The following CUEDC1 variants were observed in gnomAD, a reference collection of about 807,000 sequenced individuals.
The protein encoded by CUEDC1 is CUE domain containing 1.
Under a neutral mutation model 43.7 loss-of-function variants are expected in CUEDC1, and 30 were observed. The ratio of observed to expected loss-of-function variants is 0.69; its 90% confidence interval spans 0.51 to 0.93. CUEDC1 has a LOEUF of 0.93. Among genes scored for constraint, CUEDC1 ranks in the 40% least tolerant of loss-of-function variants. CUEDC1 has a pLI of 0.00. For missense variants in CUEDC1, 486 were observed against 549.0 expected (o/e 0.89, Z 1.15); for synonymous variants, 223 against 223.6 (o/e 1.00, Z 0.02).
At position 57,879,592 on chromosome 17, in the gene CUEDC1, AGACAT is replaced by A. The variant is rs2074174945; in HGVS notation, c.464+14_464+18del. 6.3e-7 allele frequency: 1 copy of A among 1,579,830 alleles called. No homozygotes were observed. The highest frequency in any genetic ancestry group is 1.4e-5 in the African/African-American group (1 of 72,526). ...CTCTTCCCTGCCACCCTGTGCTCTGAGACATGACAGATTCTCACCGGGGAGGCGGA... is the reference window on the plus strand; with the variant it reads ...CTCTTCCCTGCCACCCTGTGCTCTGAGACAGATTCTCACCGGGGAGGCGGA... On this transcript the variant is annotated intron_variant, in intron 3 of 10. Transcript: ENST00000577830.
intron 6 of CUEDC1, 39 bp downstream of exon 6, chr17:57,871,247 C>T (rs2074030339): frequency 6.6e-7 from 1 of 1,512,468 alleles, no homozygotes; most frequent in African/African-American, 1.4e-5. Context: ...GAGCTCCCCA[C>T]TATGCCTCTA....
At chr17:57,923,089 G>C (rs1157418266) in intron 1 of CUEDC1, among the ~76,000 whole-genome samples, 1 of 152,066 alleles carries the variant, frequency 6.6e-6, no homozygotes, top group Admixed American at 6.6e-5. Flanking sequence ...GCCTCCCAAA[G>C]TGCTAGGATT....
intron 2 of CUEDC1, among the ~76,000 whole-genome samples, chr17:57,882,989 G>A (rs2074235521): frequency 6.6e-6 from 1 of 152,094 alleles, no homozygotes; most frequent in Non-Finnish European, 1.5e-5. Flanking sequence ...AGGATTCACT[G>A]CCCCTAACCC....
chr17:57,910,482 C>T lies in CUEDC1; in HGVS notation c.-315-24603G>A, dbSNP rs186572099. ...GGATCAAAAATATATATGCCTAGGG[C>T]GGGGCACAGTGGTTCACACCTGTAA... is the stretch of plus-strand genomic sequence containing the variant. On this transcript the variant is annotated intron_variant, in intron 1 of 10. Transcript: ENST00000577830. Among the ~76,000 whole-genome samples the T allele has an allele frequency of 2.1e-3, 320 of 151,894 alleles. 1 individual carries two copies. Among genetic ancestry groups the T allele is most frequent in the African/African-American group, 7.4e-3 (307 of 41,378 alleles).
chr17:57,950,590 A>G (rs1235005872), intron 1 of CUEDC1, among the ~76,000 whole-genome samples: 1 of 151,362 alleles, frequency 6.6e-6, no homozygotes, highest in East Asian at 1.9e-4. Context: ...CTCCTGCCTC[A>G]GCCTCCTGGG....
intron 1 of CUEDC1, among the ~76,000 whole-genome samples, chr17:57,941,701 T>A (rs1358411003): frequency 6.6e-6 from 1 of 152,254 alleles, no homozygotes; most frequent in Non-Finnish European, 1.5e-5. Flanking sequence ...TTGGCCAGGT[T>A]ACTTAACCCT....
chr17:57,894,109 C>A (rs754178815), intron 1 of CUEDC1, among the ~76,000 whole-genome samples: 10 of 152,042 alleles, frequency 6.6e-5, no homozygotes, highest in South Asian at 2.1e-4. Flanking sequence ...AAAACAAAAC[C>A]AAACCATGAG....
intron 10 of CUEDC1, 108 bp from the exon 11 acceptor site, chr17:57,863,393 G>A (rs756065823): frequency 2.6e-5 from 4 of 152,198 alleles, no homozygotes; most frequent in Non-Finnish European, 5.9e-5. Flanking sequence ...TACTAAAGAC[G>A]TAAGCCCTCT....
chr17:57,913,717 T>C (rs2074608936), intron 1 of CUEDC1, among the ~76,000 whole-genome samples: 1 of 152,150 alleles, frequency 6.6e-6, no homozygotes. Flanking sequence ...ATCCTTCTCG[T>C]CTGAACTGAC....
chr17:57,891,835 C>A (rs1243649385), intron 1 of CUEDC1, among the ~76,000 whole-genome samples: 1 of 152,212 alleles, frequency 6.6e-6, no homozygotes, highest in Non-Finnish European at 1.5e-5. Context: ...CACCCCCCAA[C>A]ATCCCAGTGT....
At chr17:57,941,904 T>A (rs1272862792) in intron 1 of CUEDC1, among the ~76,000 whole-genome samples, 2 of 152,110 alleles carry the variant, frequency 1.3e-5, no homozygotes, top group Non-Finnish European at 2.9e-5. Flanking sequence ...AGAGGGACAT[T>A]GTCTAAAAAA....
In CUEDC1 at chr17:57,862,048, C is replaced by T. The variant is rs2073885858; in HGVS notation, c.*1241G>A. The T allele has an allele frequency of 6.6e-6, 1 of 152,214 alleles. No homozygotes were observed. Among genetic ancestry groups the T allele is most frequent in the Non-Finnish European group, 1.5e-5 (1 of 68,032 alleles). The allele number at this position is 152,214 out of a possible 1,614,324, so 9.4% of individuals were successfully genotyped here. On this transcript the variant is annotated 3_prime_UTR_variant, in exon 11 of 11. Transcript: ENST00000577830. ...CTACGCCCTTGTGATCTTGGGGCCA[C>T]GGAGGCCACCAGGGCCCGGCCAAGG...
chr17:57,932,399 C>T (rs904014643), intron 1 of CUEDC1, among the ~76,000 whole-genome samples: 2 of 151,292 alleles, frequency 1.3e-5, no homozygotes, highest in Non-Finnish European at 2.9e-5. Context: ...TCCTGGCTAA[C>T]ATGGTGAAAC....
At chr17:57,920,632 C>CTTTT (rs58900177) in intron 1 of CUEDC1, among the ~76,000 whole-genome samples, 1 of 115,210 alleles carries the variant, frequency 8.7e-6, no homozygotes. Context: ...TTTTTCTTTT[C>CTTTT]TTTTTTTTTT....
In CUEDC1 at chr17:57,886,098, G is replaced by A. The variant is rs556492096; in HGVS notation, c.-315-219C>T. On this transcript the variant is annotated intron_variant, in intron 1 of 10. Transcript: ENST00000577830. ...CCACCAGTTAGCAAGGGATTCCTCC[G>A]ACCCAGGTGCCATCCTAAGTGCTCT... Among the ~76,000 whole-genome samples the A allele has an allele frequency of 1.1e-4, 17 of 152,264 alleles. No individual in the cohort carries two copies. The South Asian group carries it at 3.1e-3, about 28-fold the overall frequency.
intron 1 of CUEDC1, among the ~76,000 whole-genome samples, chr17:57,937,376 C>T (rs1390081840): frequency 6.6e-6 from 1 of 151,838 alleles, no homozygotes; most frequent in African/African-American, 2.4e-5. Flanking sequence ...TTTGGGAAGC[C>T]GAGTTGGGAG....
chr17:57,944,349 T>G (rs1321457612), intron 1 of CUEDC1, among the ~76,000 whole-genome samples: 1 of 151,800 alleles, frequency 6.6e-6, no homozygotes, highest in Non-Finnish European at 1.5e-5. Flanking sequence ...TAGCTGGGAT[T>G]ACAGGCATGC....
At chr17:57,935,594 C>G (rs1292408489) in intron 1 of CUEDC1, among the ~76,000 whole-genome samples, 1 of 152,054 alleles carries the variant, frequency 6.6e-6, no homozygotes, top group Non-Finnish European at 1.5e-5. Context: ...GCTGCCCTCC[C>G]TTTCCTCCCG....
chr17:57,861,626 G>C lies in CUEDC1; in HGVS notation c.*1663C>G, dbSNP rs1250511757. ...AGAGAACACCAACTGTTTATTACAGGAATTCCTATGAAACAGCTCCAAGAA... is the reference window on the plus strand; with the variant it reads ...AGAGAACACCAACTGTTTATTACAGCAATTCCTATGAAACAGCTCCAAGAA... On this transcript the variant is annotated 3_prime_UTR_variant, in exon 11 of 11. Transcript: ENST00000577830. 6.6e-6 allele frequency: 1 copy of C among 152,334 alleles called. No individual in the cohort carries two copies. The highest frequency in any genetic ancestry group is 2.4e-5 in the African/African-American group (1 of 41,434). The allele number at this position is 152,334 out of a possible 1,614,324, so 9.4% of individuals were successfully genotyped here.
Sources: gnomAD v4.1 joint callset for allele counts (sites outside exome capture counted in the v4.1 genomes callset) on GRCh38, gnomAD v4.1.1 for gene constraint, MANE v1.5 for transcripts, NCBI Gene and HGNC (gene_info 2026-07-23, HGNC 2026-07-21) for gene names.